The following BRWD3 variants were observed in gnomAD, a reference collection of about 807,000 sequenced individuals.
The protein encoded by BRWD3 is bromodomain and WD repeat domain containing 3.
A neutral mutation model predicts 149.7 loss-of-function variants in BRWD3; 10 were observed. The ratio of observed to expected loss-of-function variants is 0.07; its 90% CI spans 0.04 to 0.11. The LOEUF is 0.11. Ranked by LOEUF, BRWD3 falls within the 10% of genes least tolerant of loss-of-function variation. The pLI, the probability that BRWD3 is intolerant of heterozygous loss-of-function variation, is 1.00. For missense variants in BRWD3, 940 were observed against 1,373.2 expected (o/e 0.68, Z 4.99); for synonymous variants, 504 against 456.7 (o/e 1.10, Z -1.32).
intron 29 of BRWD3, 22 bp downstream of exon 29, chrX:80,692,067 C>G (rs1472379660): frequency 8.4e-7 from 1 of 1,196,644 alleles, no homozygotes; most frequent in Non-Finnish European, 1.1e-6. Context: ...AATTATAATT[C>G]ATTTTTTAAA....
chrX:80,751,207 A>G (rs1435126521), intron 6 of BRWD3, among the ~76,000 whole-genome samples: 1 of 111,667 alleles, frequency 9.0e-6, no homozygotes, highest in Non-Finnish European at 1.9e-5. Flanking sequence ...CACAGTTAAT[A>G]ATAATAAAAT....
chrX:80,702,469 G>A (rs1490363396), intron 24 of BRWD3, among the ~76,000 whole-genome samples: 1 of 111,788 alleles, frequency 8.9e-6, no homozygotes. Flanking sequence ...ATAAAAACAG[G>A]CAACAACTAC....
chrX:80,771,751 G>T (rs984033341), intron 6 of BRWD3, among the ~76,000 whole-genome samples: 3 of 111,532 alleles, frequency 2.7e-5, no homozygotes, highest in African/African-American at 9.8e-5. Context: ...AATCAACAAA[G>T]AACTCAAACA....
At chrX:80,788,243 G>A (rs2074137442) in intron 6 of BRWD3, among the ~76,000 whole-genome samples, 1 of 110,598 alleles carries the variant, frequency 9.0e-6, no homozygotes, top group South Asian at 3.8e-4. Context: ...ACCAGCCTGG[G>A]CAACAAAGCT....
chrX:80,741,061 TC>T lies in BRWD3; in HGVS notation c.813+2970del, dbSNP rs1380020183. Among the ~76,000 whole-genome samples, 3 of 107,935 alleles carry T rather than the reference TC, an allele frequency of 2.8e-5. No homozygotes were observed. The Admixed American group carries it at 3.0e-4, about 11-fold the overall frequency. The allele number at this position is 107,935 out of a possible 115,157, so 93.7% of individuals were successfully genotyped here. ...ATCTCCTACTGCTATCCATCCCCCC[TC>T]CCCCACCCCACAACAGGCCCTGGTG... On this transcript the variant is annotated intron_variant, in intron 8 of 40. Transcript: ENST00000373275.
intron 6 of BRWD3, among the ~76,000 whole-genome samples, chrX:80,778,621 T>C (rs1602425232): frequency 8.9e-6 from 1 of 112,765 alleles, no homozygotes; most frequent in Non-Finnish European, 1.9e-5. Flanking sequence ...AAACAAGCTG[T>C]ACGTAATTAA....
At chrX:80,740,004 A>T (rs1461790034) in intron 8 of BRWD3, among the ~76,000 whole-genome samples, 1 of 111,914 alleles carries the variant, frequency 8.9e-6, no homozygotes, top group Non-Finnish European at 1.9e-5. Flanking sequence ...CAATTCCAGA[A>T]ATAATCAGTC....
intron 8 of BRWD3, among the ~76,000 whole-genome samples, chrX:80,737,173 G>A (rs191048583): frequency 7.2e-5 from 8 of 111,204 alleles, no homozygotes; most frequent in South Asian, 3.8e-4. Context: ...ATAGTCCTCC[G>A]TTGGTATCAT....
At chrX:80,739,759 A>G (rs1049794093) in intron 8 of BRWD3, among the ~76,000 whole-genome samples, 1 of 111,714 alleles carries the variant, frequency 9.0e-6, no homozygotes. Context: ...TAAATTAGGC[A>G]CAGTAGGAAA....
intron 4 of BRWD3, among the ~76,000 whole-genome samples, chrX:80,802,490 GGAT>G (rs757935305): frequency 3.8e-5 from 4 of 106,643 alleles, no homozygotes; most frequent in South Asian, 4.2e-4. Context: ...GAAAATTAGG[GGAT>G]GATATCTCAT....
chrX:80,690,214 A>G (rs2072592961), intron 31 of BRWD3, 122 bp from the exon 32 acceptor site: 5 of 666,447 alleles, frequency 7.5e-6, no homozygotes, highest in Middle Eastern at 7.1e-4. Flanking sequence ...CAATATGCAT[A>G]TAACTCAATA....
chrX:80,725,968 GTTTACATGTTATATGTCTATATA>G (rs2073224564), intron 14 of BRWD3, among the ~76,000 whole-genome samples: 2 of 107,135 alleles, frequency 1.9e-5, no homozygotes, highest in African/African-American at 6.8e-5. Flanking sequence ...CACATAACAT[GTTTACATGTTATATGTCTATATA>G]ACATAACATG....
chrX:80,808,317 C>T (rs1040801553), intron 4 of BRWD3, among the ~76,000 whole-genome samples: 13 of 109,233 alleles, frequency 1.2e-4, no homozygotes, highest in Non-Finnish European at 1.9e-4. Context: ...TGATAATCAA[C>T]TCACATTCTT....
rs375217103 is a variant in BRWD3 at position 80,691,799 on chromosome X, A to G, written c.3481+24T>C. ...TTTCCTAGCTCTCTTGCATGCTCCT[A>G]AAATTTTTTCACATTCATCATACCC... is the stretch of plus-strand genomic sequence containing the variant. On this transcript the variant is annotated intron_variant, in intron 30 of 40. Transcript: ENST00000373275. 76 of 1,208,013 alleles carry G rather than the reference A, an allele frequency of 6.3e-5. No individual in the cohort carries two copies. The African/African-American group carries it at 1.1e-3, about 18-fold the overall frequency.
At chrX:80,722,502 A>G (rs889907533) in intron 17 of BRWD3, 60 bp downstream of exon 17, 3 of 1,032,624 alleles carry the variant, frequency 2.9e-6, no homozygotes, top group Non-Finnish European at 4.1e-6. Context: ...CATAGAGAGA[A>G]CAGCAGTAAT....
At position 80,677,046 on chromosome X, in the gene BRWD3, G is replaced by A; in HGVS notation, c.4972C>T (p.His1658Tyr). 1.7e-6 allele frequency: 2 copies of A among 1,210,976 alleles called. No individual in the cohort carries two copies. Among genetic ancestry groups the A allele is most frequent in the Non-Finnish European group, 2.2e-6 (2 of 895,249 alleles). Residue 1658 changes from histidine to tyrosine, a missense_variant, in exon 41 of 41, where the codon CAT becomes TAT. His to Tyr is a moderately conservative substitution (Grantham distance 83). Coordinates refer to ENST00000373275, the MANE Select transcript of BRWD3 (RefSeq NM_153252.5). ...TTCCAATTTCTTTTTCCATTGCCAT[G>A]TTGCTTTCTGAGTTTTCTTTTAGGT... ...TRPKRKLRKQ[H>Y]GNGKRNWKTR...
chrX:80,772,295 A>C (rs746994293), intron 6 of BRWD3, among the ~76,000 whole-genome samples: 1 of 112,002 alleles, frequency 8.9e-6, no homozygotes, highest in South Asian at 3.7e-4. Flanking sequence ...GCCATAAAAA[A>C]GTATGAGTTC....
chrX:80,682,411 T>C, intron 38 of BRWD3, 54 bp downstream of exon 38: 1 of 1,144,574 alleles, frequency 8.7e-7, no homozygotes, highest in South Asian at 1.8e-5. Flanking sequence ...ACAAATTAGG[T>C]AATACATACA....
At chrX:80,726,198 A>G (rs1394851101) in intron 14 of BRWD3, among the ~76,000 whole-genome samples, 1 of 106,930 alleles carries the variant, frequency 9.4e-6, no homozygotes, top group Non-Finnish European at 2.0e-5. Flanking sequence ...TAACACGTTT[A>G]CATGTTATAT....
Sources: gnomAD v4.1 joint callset for allele counts (sites outside exome capture counted in the v4.1 genomes callset) on GRCh38, gnomAD v4.1.1 for gene constraint, MANE v1.5 for transcripts, NCBI Gene and HGNC (gene_info 2026-07-23, HGNC 2026-07-21) for gene names.